The following EPSTI1 variants were observed in gnomAD, a reference collection of about 807,000 sequenced individuals.
EPSTI1 encodes the protein epithelial-stromal interaction protein 1.
A neutral mutation model predicts 49.9 loss-of-function variants in EPSTI1; 66 were observed. That is an observed-to-expected ratio of 1.32 (90% confidence interval 1.08 to 1.62). The LOEUF is 1.62. EPSTI1 is among the 40% of genes most tolerant of loss of function. EPSTI1 has a pLI of 0.00. For missense variants in EPSTI1, 394 were observed against 365.5 expected (o/e 1.08, Z -0.64); for synonymous variants, 137 against 130.7 (o/e 1.05, Z -0.33).
intron 3 of EPSTI1, among the ~76,000 whole-genome samples, chr13:42,967,664 G>A (rs1417926345): frequency 1.3e-5 from 2 of 152,318 alleles, no homozygotes; most frequent in East Asian, 3.9e-4. Flanking sequence ...AGAGGAAATC[G>A]TCTGTATCAG....
At chr13:42,972,358 A>C (rs1426259031) in intron 1 of EPSTI1, among the ~76,000 whole-genome samples, 1 of 152,216 alleles carries the variant, frequency 6.6e-6, no homozygotes, top group African/African-American at 2.4e-5. Context: ...AACAAGTTCC[A>C]AGATGATGCT....
intron 10 of EPSTI1, among the ~76,000 whole-genome samples, chr13:42,892,388 G>A (rs1308124096): frequency 6.6e-6 from 1 of 152,182 alleles, no homozygotes; most frequent in African/African-American, 2.4e-5. Flanking sequence ...CACTGAGAGA[G>A]GCTGGAAGCA....
chr13:42,938,594 T>C (rs1219991188), intron 6 of EPSTI1, among the ~76,000 whole-genome samples: 1 of 152,074 alleles, frequency 6.6e-6, no homozygotes, highest in Non-Finnish European at 1.5e-5. Context: ...TTTCTTCCAA[T>C]AGAAGGCCGT....
At chr13:42,933,586 C>T (rs114027801) in intron 6 of EPSTI1, among the ~76,000 whole-genome samples, 2,066 of 152,304 alleles carry the variant, frequency 0.014, 59 homozygotes, top group African/African-American at 0.046. Context: ...CATCCTTCAA[C>T]CTTCTGGTCA....
rs1010591217 is a variant in EPSTI1, at chr13:42,979,850, A to G, written c.189-9180T>C. ...CCATTATCACACCAAGAAATTTAAC[A>G]TTAATATTGCCTAATAGTCTATATT... is the stretch of plus-strand genomic sequence containing the variant. On this transcript the variant is annotated intron_variant, in intron 1 of 10. Coordinates refer to ENST00000313624, the MANE Select transcript of EPSTI1 (RefSeq NM_033255.5). 4.6e-5 allele frequency among the ~76,000 whole-genome samples: 7 copies of G among 152,156 alleles called. No homozygotes were observed. The East Asian group carries it at 7.7e-4, about 17-fold the overall frequency.
intron 8 of EPSTI1, among the ~76,000 whole-genome samples, chr13:42,901,705 G>C (rs2037357438): frequency 6.6e-6 from 1 of 152,082 alleles, no homozygotes; most frequent in South Asian, 2.1e-4. Context: ...TTCAATTCCT[G>C]CATGTGGTTT....
rs1161224574 is a variant in EPSTI1 at position 42,942,658 on chromosome 13, C to CTTTTTTTTTTT, written c.563+11279_563+11289dup. ...TGATTTTAATTAGATCCTGTTGATT[C>CTTTTTTTTTTT]TTTTTTTTTTTTTTTTTTTTTTTTT... On this transcript the variant is annotated intron_variant, in intron 6 of 10. Transcript: ENST00000313624. Among the ~76,000 whole-genome samples, 16 of 64,652 alleles carry CTTTTTTTTTTT rather than the reference C, an allele frequency of 2.5e-4. 1 individual carries two copies. The highest frequency in any genetic ancestry group is 8.5e-4 in the African/African-American group (13 of 15,240). The allele number at this position is 64,652 out of a possible 152,430, so 42.4% of individuals were successfully genotyped here.
intron 1 of EPSTI1, among the ~76,000 whole-genome samples, chr13:42,971,605 T>C (rs2039768700): frequency 9.7e-6 from 1 of 102,622 alleles, no homozygotes; most frequent in Admixed American, 1.1e-4. Context: ...AACTGTAGGA[T>C]TTAAGAGGGA....
chr13:42,980,770 A>G (rs558565225), intron 1 of EPSTI1, among the ~76,000 whole-genome samples: 2 of 135,216 alleles, frequency 1.5e-5, no homozygotes, highest in Admixed American at 1.5e-4. Context: ...TCTTTACACT[A>G]AACTCTTTGA....
intron 6 of EPSTI1, among the ~76,000 whole-genome samples, chr13:42,948,187 G>A (rs111306720): frequency 1.3e-5 from 2 of 152,260 alleles, no homozygotes; most frequent in African/African-American, 4.8e-5. Context: ...GCAGCCAGCT[G>A]GGTCTGGGCT....
intron 2 of EPSTI1, chr13:42,969,458 T>A: frequency 2.5e-6 from 1 of 392,714 alleles, no homozygotes; most frequent in Non-Finnish European, 4.5e-6. Context: ...CCTACCATTC[T>A]GGCATTTTTA....
At chr13:42,939,606 A>C (rs895724007) in intron 6 of EPSTI1, among the ~76,000 whole-genome samples, 1 of 152,166 alleles carries the variant, frequency 6.6e-6, no homozygotes, top group African/African-American at 2.4e-5. Context: ...TTATTGATTA[A>C]ATTCACTGTC....
chr13:42,949,423 C>T (rs933305769), intron 6 of EPSTI1, among the ~76,000 whole-genome samples: 21 of 152,072 alleles, frequency 1.4e-4, no homozygotes, highest in African/African-American at 5.1e-4. Context: ...AACCCCACCT[C>T]TACTAAAAGT....
intron 3 of EPSTI1, among the ~76,000 whole-genome samples, chr13:42,966,225 T>C (rs1257558715): frequency 5.6e-4 from 14 of 25,106 alleles, no homozygotes; most frequent in Admixed American, 1.8e-3. Context: ...AAGTGAGGAG[T>C]GTCTCTGCCT....
rs186954741 is a variant in EPSTI1 at position 42,944,810 on chromosome 13, C to T, written c.563+9138G>A. ...AGCTCATAACAAAAACAAGATCACT[C>T]TATAACATGTCTGAACACAGAAAAA... On this transcript the variant is annotated intron_variant, in intron 6 of 10. Transcript: ENST00000313624. Among the ~76,000 whole-genome samples, 525 of 152,300 alleles carry T rather than the reference C, an allele frequency of 3.4e-3. 7 individuals are homozygous for T. The highest frequency in any genetic ancestry group is 2.3e-3 in the Non-Finnish European group (158 of 68,028).
At chr13:42,928,761 G>T (rs1229853660) in intron 6 of EPSTI1, among the ~76,000 whole-genome samples, 8 of 152,172 alleles carry the variant, frequency 5.3e-5, no homozygotes, top group African/African-American at 1.9e-4. Context: ...ACACAACTTG[G>T]CTACATTTCC....
chr13:42,925,141 C>T (rs185559281), intron 7 of EPSTI1, among the ~76,000 whole-genome samples: 11 of 152,318 alleles, frequency 7.2e-5, no homozygotes, highest in Admixed American at 1.3e-4. Context: ...TCCTCTCCCC[C>T]GCTGTCCTAG....
rs575481867 is a variant in EPSTI1 at position 42,960,480 on chromosome 13, G to A, written c.489+2775C>T. ...TCTAATGCTCTAATGTCTTAGAGAC[G>A]TTGTCTCTGCTTTATAGATTTCTTG... is the stretch of plus-strand genomic sequence containing the variant. On this transcript the variant is annotated intron_variant, in intron 5 of 10. Transcript: ENST00000313624. Among the ~76,000 whole-genome samples, 7 of 152,280 alleles carry A rather than the reference G, an allele frequency of 4.6e-5. No individual in the cohort carries two copies. The East Asian group carries it at 5.8e-4, about 13-fold the overall frequency.
intron 1 of EPSTI1, among the ~76,000 whole-genome samples, chr13:42,986,852 T>C (rs1200251759): frequency 6.6e-6 from 1 of 151,630 alleles, no homozygotes; most frequent in Non-Finnish European, 1.5e-5. Context: ...TTTAATCAAT[T>C]ATGCCTAGGT....
Sources: allele counts gnomAD v4.1 joint callset (sites outside exome capture counted in the v4.1 genomes callset), GRCh38; gene constraint gnomAD v4.1.1; transcripts MANE v1.5; gene names NCBI Gene and HGNC (gene_info 2026-07-23, HGNC 2026-07-21).